The following SMYD4 variants were observed in gnomAD, a reference collection of about 807,000 sequenced individuals.
SMYD4 encodes the protein protein-lysine N-methyltransferase SMYD4.
Under a neutral mutation model 72.8 loss-of-function variants are expected in SMYD4, and 68 were observed. The observed-to-expected ratio is 0.93, with a 90% confidence interval of 0.77 to 1.14. The LOEUF (loss-of-function observed/expected upper bound fraction) is 1.14. Ranked by LOEUF, SMYD4 falls within the 50% of genes most tolerant of loss-of-function variation. SMYD4 has a pLI of 0.00. For synonymous variants in SMYD4, 407 were observed against 388.6 expected, an observed-to-expected ratio of 1.05 and a Z score of -0.56; for missense variants, 984 against 1,003.7, an observed-to-expected ratio of 0.98 and a Z score of 0.27.
At chr17:1,813,936 T>C (rs1910457562) in intron 2 of SMYD4, among the ~76,000 whole-genome samples, 1 of 152,122 alleles carries the variant, frequency 6.6e-6, no homozygotes, top group African/African-American at 2.4e-5. Context: ...AAGTAAAATA[T>C]GAATAACAAA....
Position 1,800,688 on chromosome 17 carries a change from C to T in SMYD4, c.706G>A (p.Gly236Ser), listed in dbSNP as rs9913923. 0.1 allele frequency: 167,594 copies of T among 1,614,044 alleles called. 9,845 individuals carry two copies. The highest frequency in any genetic ancestry group is 0.23 in the African/African-American group (17,221 of 74,988). The change falls in exon 5 of 11, where the codon GGC (glycine) becomes AGC (serine). Residue 236 changes from glycine to serine, a missense_variant. Transcript: ENST00000305513. ...EQLSNASSSI[G>S]LCVDPLKGRC... ...CCTTTTAAAGGATCTACGCATAAGC[C>T]GATGGATGATGAGGCATTGGAAAGT...
At chr17:1,817,829 C>CCT (rs1910694030) in intron 2 of SMYD4, among the ~76,000 whole-genome samples, 1 of 151,816 alleles carries the variant, frequency 6.6e-6, no homozygotes, top group Admixed American at 6.6e-5. Context: ...GGGCGGATCA[C>CCT]GAGGTCAGGA....
intron 2 of SMYD4, among the ~76,000 whole-genome samples, chr17:1,824,105 G>T (rs1457728786): frequency 6.6e-6 from 1 of 152,194 alleles, no homozygotes; most frequent in Non-Finnish European, 1.5e-5. Context: ...GACTTTGGGA[G>T]GCCAAGGTGG....
chr17:1,822,018 A>T (rs916390637), intron 2 of SMYD4, among the ~76,000 whole-genome samples: 2 of 151,866 alleles, frequency 1.3e-5, no homozygotes, highest in African/African-American at 4.8e-5. Context: ...TGAGGTCAGG[A>T]GTTTGAGACT....
intron 4 of SMYD4, among the ~76,000 whole-genome samples, chr17:1,802,763 G>A (rs1395981824): frequency 1.3e-5 from 2 of 152,216 alleles, no homozygotes; most frequent in African/African-American, 2.4e-5. Flanking sequence ...TGGCATTTTA[G>A]AGCTTGTCCT....
In SMYD4 at chr17:1,804,644, G is replaced by A; in HGVS notation, c.351C>T (p.Phe117=). 1 of 1,613,670 alleles carries A rather than the reference G, an allele frequency of 6.2e-7. No homozygotes were observed. Among genetic ancestry groups the A allele is most frequent in the South Asian group, 1.1e-5 (1 of 91,052 alleles). The part of the protein sequence containing the change: ...LCHANRSAAL[F]HLGQYETCLK... ...TACTCACCTCATACTGACCCAGGTG[G>A]AAGAGGGCTGCCGAGCGGTTAGCAT... The change falls in exon 4 of 11, where the codon TTC becomes TTT. Residue 117 remains phenylalanine (F), a synonymous_variant. Coordinates refer to ENST00000305513, the MANE Select transcript of SMYD4 (RefSeq NM_052928.3).
rs372624455 is a variant in SMYD4, at chr17:1,800,850, C to T, written c.544G>A (p.Val182Ile). ...TTTCTCTGCAGAGTCTGAGGGAGGA[C>T]ATCTGCTAGGGCTGGTGTGGCTGTG... is the stretch of plus-strand genomic sequence containing the variant. ...NFTATPALAD[V>I]LPQTLQRNLH... The change falls in exon 5 of 11, where the codon GTC (valine) becomes ATC (isoleucine). Residue 182 changes from valine (V) to isoleucine (I), a missense_variant. Val to Ile is a conservative substitution (Grantham distance 29). Coordinates refer to ENST00000305513, the MANE Select transcript of SMYD4 (RefSeq NM_052928.3). 1.2e-6 allele frequency: 2 copies of T among 1,614,070 alleles called. No homozygotes were observed. Among genetic ancestry groups the T allele is most frequent in the African/African-American group, 2.7e-5 (2 of 74,922 alleles).
intron 5 of SMYD4, among the ~76,000 whole-genome samples, chr17:1,789,971 C>A (rs1002425337): frequency 6.6e-6 from 1 of 152,118 alleles, no homozygotes; most frequent in African/African-American, 2.4e-5. Flanking sequence ...CTAAGTGCTT[C>A]GCTGATTTTT....
rs1461790529 is a variant in SMYD4 at position 1,825,860 on chromosome 17, C to T, written c.134+2001G>A. 5.9e-5 allele frequency among the ~76,000 whole-genome samples: 9 copies of T among 151,510 alleles called. No individual in the cohort carries two copies. In the East Asian group the frequency reaches 1.7e-3, roughly 29 times the overall value. The stretch of plus-strand genomic sequence containing the variant: ...TGCTTAGGATGGTTCACTCCACCAT[C>T]CTAAGGAAGACAGGAGGATCGCTTG... On this transcript the variant is annotated intron_variant, in intron 2 of 10. Transcript: ENST00000305513.
intron 3 of SMYD4, among the ~76,000 whole-genome samples, chr17:1,808,578 G>A (rs1354521209): frequency 6.6e-6 from 1 of 151,984 alleles, no homozygotes; most frequent in East Asian, 1.9e-4. Context: ...TTTTTAAAAA[G>A]AAAGAAAATA....
chr17:1,825,941 T>C (rs1025874526), intron 2 of SMYD4, among the ~76,000 whole-genome samples: 2 of 151,896 alleles, frequency 1.3e-5, no homozygotes, highest in Non-Finnish European at 2.9e-5. Context: ...TGTCTAAAAA[T>C]AAATTTTAAA....
chr17:1,784,016 C>T (rs1048190115), intron 8 of SMYD4, among the ~76,000 whole-genome samples: 22 of 152,226 alleles, frequency 1.4e-4, no homozygotes, highest in African/African-American at 4.6e-4. Flanking sequence ...ATAAATGACA[C>T]TCAACTTCTG....
intron 2 of SMYD4, among the ~76,000 whole-genome samples, chr17:1,812,351 A>G (rs1910371567): frequency 6.6e-6 from 1 of 151,956 alleles, no homozygotes; most frequent in Admixed American, 6.6e-5. Context: ...CCGTGGTGCC[A>G]TCTCCACTCA....
chr17:1,788,405 A>G (rs970304774), intron 5 of SMYD4, among the ~76,000 whole-genome samples: 4 of 151,984 alleles, frequency 2.6e-5, no homozygotes, highest in African/African-American at 4.8e-5. Context: ...AACATTTATT[A>G]TTTTTTTCTT....
At chr17:1,808,854 C>CA (rs1910178618) in intron 3 of SMYD4, among the ~76,000 whole-genome samples, 1 of 152,180 alleles carries the variant, frequency 6.6e-6, no homozygotes, top group Non-Finnish European at 1.5e-5. Context: ...AATCCCTCAG[C>CA]AACCACTAAA....
At chr17:1,798,135 G>A (rs902312513) in intron 5 of SMYD4, among the ~76,000 whole-genome samples, 1 of 151,054 alleles carries the variant, frequency 6.6e-6, no homozygotes, top group East Asian at 2.0e-4. Flanking sequence ...TCTTGTGCAT[G>A]TATTTTTTTT....
At position 1,800,672 on chromosome 17, in the gene SMYD4, G is replaced by T; in HGVS notation, c.722C>A (p.Pro241His). 2 of 1,614,172 alleles carry T rather than the reference G, an allele frequency of 1.2e-6. No homozygotes were observed. Among genetic ancestry groups the T allele is most frequent in the African/African-American group, 1.3e-5 (1 of 75,040 alleles). ...ASSSIGLCVDPLKGRCLVATK... is the reference protein window; with the variant it reads ...ASSSIGLCVDHLKGRCLVATK... ...GGCAACGAGACAGCGACCTTTTAAA[G>T]GATCTACGCATAAGCCGATGGATGA... Residue 241 changes from proline (P) to histidine (H), a missense_variant, in exon 5 of 11, where the codon CCT becomes CAT. Transcript: ENST00000305513.
chr17:1,783,638 C>T, intron 8 of SMYD4, 162 bp from the exon 9 acceptor site: 2 of 1,221,936 alleles, frequency 1.6e-6, no homozygotes, highest in South Asian at 1.6e-5. Flanking sequence ...AATAAAGCTG[C>T]TGTTTTCTTC....
intron 3 of SMYD4, among the ~76,000 whole-genome samples, chr17:1,808,295 C>T (rs1488636034): frequency 2.0e-5 from 3 of 152,148 alleles, no homozygotes; most frequent in African/African-American, 7.2e-5. Flanking sequence ...CGTAAAGAAC[C>T]ATGTTCCAGT....
Sources: allele counts gnomAD v4.1 joint callset (sites outside exome capture counted in the v4.1 genomes callset), GRCh38; gene constraint gnomAD v4.1.1; transcripts MANE v1.5; gene names NCBI Gene and HGNC (gene_info 2026-07-23, HGNC 2026-07-21).